Variants in NMD3 observed in about 807,000 individuals in gnomAD.
NMD3 encodes NMD3 ribosome export adaptor.
Under a neutral mutation model 73.1 loss-of-function variants are expected in NMD3, and 47 were observed. The observed-to-expected ratio is 0.64, with a 90% CI of 0.51 to 0.82. The LOEUF is 0.82. Among genes scored for constraint, NMD3 ranks in the 40% least tolerant of loss-of-function variants. The pLI is 0.00. For missense variants in NMD3, 554 were observed against 612.5 expected, an observed-to-expected ratio of 0.90 and a Z score of 1.01; for synonymous variants, 210 against 194.5, an observed-to-expected ratio of 1.08 and a Z score of -0.66.
At chr3:161,227,376 G>C in intron 4 of NMD3, 33 bp downstream of exon 4, 1 of 1,232,018 alleles carries the variant, frequency 8.1e-7, no homozygotes, top group Non-Finnish European at 1.1e-6. Flanking sequence ...GTATTCATAG[G>C]TATGTTTTCA....
In NMD3 at chr3:161,247,337, C is replaced by A; in HGVS notation, c.1203+7C>A. ...AGATAGAGTTCCAGATGTGGTAAGG[C>A]TTTAGATTTTTCCCTTTTTTCCTGT... On this transcript the variant is annotated splice_region_variant and intron_variant, in intron 13 of 15. Coordinates refer to ENST00000351193, the MANE Select transcript of NMD3 (RefSeq NM_015938.5). The A allele has an allele frequency of 6.3e-7, 1 of 1,591,764 alleles. No homozygotes were observed. The highest frequency in any genetic ancestry group is 1.1e-5 in the South Asian group (1 of 90,532).
intron 4 of NMD3, among the ~76,000 whole-genome samples, chr3:161,230,659 A>T (rs1299354875): frequency 6.6e-6 from 1 of 152,156 alleles, no homozygotes; most frequent in Non-Finnish European, 1.5e-5. Context: ...TTCACCAAGC[A>T]CCATTTTGGG....
chr3:161,223,949 G>A (rs1560062813), intron 2 of NMD3, among the ~76,000 whole-genome samples: 2 of 152,170 alleles, frequency 1.3e-5, no homozygotes, highest in Non-Finnish European at 2.9e-5. Context: ...AAAAGTTAAT[G>A]TGAATGTTTG....
intron 10 of NMD3, among the ~76,000 whole-genome samples, chr3:161,241,634 T>C (rs1736991346): frequency 6.6e-6 from 1 of 152,134 alleles, no homozygotes; most frequent in Non-Finnish European, 1.5e-5. Context: ...TTGGCCAGGC[T>C]GGTCTTGAAC....
chr3:161,242,774 A>G (rs1737043313), intron 11 of NMD3, 121 bp downstream of exon 11: 3 of 754,662 alleles, frequency 4.0e-6, no homozygotes, highest in South Asian at 3.4e-5. Context: ...TTAGCACCAC[A>G]TTAGGAAAAA....
At chr3:161,246,551 A>C in intron 12 of NMD3, 103 bp downstream of exon 12, 1 of 475,992 alleles carries the variant, frequency 2.1e-6, no homozygotes, top group Admixed American at 3.3e-5. Flanking sequence ...TTCTAAAAAG[A>C]TCGAAGGGTT....
intron 12 of NMD3, among the ~76,000 whole-genome samples, 184 bp downstream of exon 12, chr3:161,246,632 A>ACTCCATTT (rs1365855926): frequency 3.1e-4 from 47 of 152,246 alleles, no homozygotes; most frequent in South Asian, 2.1e-4. Context: ...GCCCATAGTT[A>ACTCCATTT]CTCCATTTTG....
intron 4 of NMD3, among the ~76,000 whole-genome samples, chr3:161,229,333 GT>G (rs1283194658): frequency 6.6e-6 from 1 of 152,214 alleles, no homozygotes; most frequent in East Asian, 1.9e-4. Flanking sequence ...ATGAGAAATG[GT>G]TTTGGATCAG....
intron 4 of NMD3, among the ~76,000 whole-genome samples, chr3:161,230,922 T>C (rs539070879): frequency 4.6e-5 from 7 of 152,300 alleles, no homozygotes; most frequent in African/African-American, 1.7e-4. Context: ...AATAGTCCTC[T>C]AGAACTAGAG....
At position 161,238,244 on chromosome 3, in the gene NMD3, G is replaced by A. The variant is rs553175786; in HGVS notation, c.656+53G>A. 4.4e-5 allele frequency: 47 copies of A among 1,062,100 alleles called. No individual in the cohort carries two copies. The Middle Eastern group carries it at 1.0e-3, about 24-fold the overall frequency. The allele number at this position is 1,062,100 out of a possible 1,614,324, so 65.8% of individuals were successfully genotyped here. On this transcript the variant is annotated intron_variant, in intron 8 of 15. Transcript: ENST00000351193. ...AATCTAAGGACTTGGGAATGGATGC[G>A]GATCACATATATTCTTCAGGCTCAG...
rs771991936 is a variant in NMD3, at chr3:161,224,994, C to G, written c.109C>G (p.Arg37Gly). The G allele has an allele frequency of 6.2e-7, 1 of 1,613,522 alleles. No homozygotes were observed. The highest frequency in any genetic ancestry group is 1.1e-5 in the South Asian group (1 of 91,050). The change falls in exon 3 of 16, where the codon CGA becomes GGA. Residue 37 changes from arginine to glycine, a missense_variant. Transcript: ENST00000351193. The stretch of plus-strand genomic sequence containing the variant: ...TGCCAATATTTGTGTGGCCTGTTTG[C>G]GAAGTAAAGTGGACATCAGCCAAGG... ...NPANICVACL[R>G]SKVDISQGIP...
intron 11 of NMD3, among the ~76,000 whole-genome samples, chr3:161,243,963 G>A (rs574311819): frequency 6.6e-6 from 1 of 151,586 alleles, no homozygotes; most frequent in Admixed American, 6.6e-5. Context: ...TCTGGCTTTA[G>A]CATCTGTTGA....
In NMD3 at chr3:161,247,265, T is replaced by A. The variant is rs748889316; in HGVS notation, c.1138T>A (p.Leu380Met). The A allele has an allele frequency of 3.1e-6, 5 of 1,607,616 alleles. No homozygotes were observed. The highest frequency in any genetic ancestry group is 4.3e-6 in the Non-Finnish European group (5 of 1,174,528). Residue 380 changes from leucine to methionine, a missense_variant, in exon 13 of 16, where the codon TTG becomes ATG. Coordinates refer to ENST00000351193, the MANE Select transcript of NMD3 (RefSeq NM_015938.5). Reference protein sequence around the residue: ...NPGDLVLGFDLANCNLNDEHV... With the variant: ...NPGDLVLGFDMANCNLNDEHV... The stretch of plus-strand genomic sequence containing the variant: ...TCATTGTTTACATTTCAGGTTTGAT[T>A]TGGCCAACTGTAACTTAAATGATGA...
At chr3:161,231,624 G>A (rs1736548492) in intron 4 of NMD3, among the ~76,000 whole-genome samples, 1 of 152,138 alleles carries the variant, frequency 6.6e-6, no homozygotes, top group Non-Finnish European at 1.5e-5. Context: ...CTTAGAGCTG[G>A]GTATATTTGA....
chr3:161,222,203 A>G, intron 2 of NMD3, 146 bp downstream of exon 2: 1 of 679,228 alleles, frequency 1.5e-6, no homozygotes, highest in Non-Finnish European at 2.6e-6. Flanking sequence ...TTTCTGTAGA[A>G]AATCGAATTA....
chr3:161,233,797 G>T (rs950706373), intron 5 of NMD3, among the ~76,000 whole-genome samples: 1 of 152,006 alleles, frequency 6.6e-6, no homozygotes, highest in African/African-American at 2.4e-5. Flanking sequence ...AAAATTCTCT[G>T]TATGTGAGGC....
At chr3:161,235,822 C>T (rs1015893381) in intron 7 of NMD3, among the ~76,000 whole-genome samples, 56 of 152,114 alleles carry the variant, frequency 3.7e-4, no homozygotes, top group African/African-American at 1.2e-3. Context: ...TAAAATTGAA[C>T]AAATAAAATA....
At position 161,222,007 on chromosome 3, in the gene NMD3, C is replaced by T; in HGVS notation, c.-7C>T. 1 of 941,742 alleles carries T rather than the reference C, an allele frequency of 1.1e-6. No individual in the cohort carries two copies. The highest frequency in any genetic ancestry group is 1.6e-6 in the Non-Finnish European group (1 of 623,134). The allele number at this position is 941,742 out of a possible 1,614,324, so 58.3% of individuals were successfully genotyped here. ...TTTTTTTAAAAGAACTTAAGGCATACAGAACGATGGAGTATATGGCAGAAT... is the reference window on the plus strand; with the variant it reads ...TTTTTTTAAAAGAACTTAAGGCATATAGAACGATGGAGTATATGGCAGAAT... On this transcript the variant is annotated 5_prime_UTR_variant, in exon 2 of 16. Coordinates refer to ENST00000351193, the MANE Select transcript of NMD3 (RefSeq NM_015938.5).
At chr3:161,224,763 A>T (rs560510203) in intron 2 of NMD3, among the ~76,000 whole-genome samples, 167 bp from the exon 3 acceptor site, 1 of 152,296 alleles carries the variant, frequency 6.6e-6, no homozygotes, top group East Asian at 1.9e-4. Context: ...CTGGAATTAC[A>T]GGTGTGAGCC....
Sources: gnomAD v4.1 joint callset for allele counts (sites outside exome capture counted in the v4.1 genomes callset) on GRCh38, gnomAD v4.1.1 for gene constraint, MANE v1.5 for transcripts, NCBI Gene and HGNC (gene_info 2026-07-23, HGNC 2026-07-21) for gene names.